TMEM131L: variants seen among roughly 807,000 people sequenced by gnomAD.
TMEM131L encodes transmembrane protein 131-like.
Under a neutral mutation model 192.2 loss-of-function variants are expected in TMEM131L, and 54 were observed. The ratio of observed to expected loss-of-function variants is 0.28; its 90% confidence interval spans 0.23 to 0.35. The LOEUF (loss-of-function observed/expected upper bound fraction) is 0.35. TMEM131L is among the 10% of genes least tolerant of loss of function. The pLI is 1.00. For synonymous variants in TMEM131L, 701 were observed against 704.9 expected (o/e 0.99, Z 0.09); for missense variants, 1,888 against 1,972.9 (o/e 0.96, Z 0.82).
intron 18 of TMEM131L, among the ~76,000 whole-genome samples, chr4:153,593,347 G>A (rs1021772279): frequency 2.6e-5 from 4 of 152,116 alleles, no homozygotes; most frequent in Admixed American, 1.3e-4. Context: ...TGTGTTGAAG[G>A]ATGTTTAGCA....
chr4:153,560,926 G>A lies in TMEM131L; in HGVS notation c.660+2558G>A, dbSNP rs149511163. On this transcript the variant is annotated intron_variant, in intron 7 of 34. Transcript: ENST00000409959. ...GGAGTGGAATTTTGCTGGGTCATAT[G>A]GTAATTCCATGTTTAACATTTTGAG... is the stretch of plus-strand genomic sequence containing the variant. Among the ~76,000 whole-genome samples the A allele has an allele frequency of 2.9e-3, 434 of 152,210 alleles. 2 individuals are homozygous for A. The highest frequency in any genetic ancestry group is 9.8e-3 in the African/African-American group (405 of 41,528).
chr4:153,544,696 C>T (rs1737040215), intron 3 of TMEM131L, among the ~76,000 whole-genome samples: 1 of 152,168 alleles, frequency 6.6e-6, no homozygotes, highest in Non-Finnish European at 1.5e-5. Flanking sequence ...TCATTGAGGC[C>T]CACTCAGATA....
chr4:153,556,656 G>C (rs1470365852), intron 5 of TMEM131L, among the ~76,000 whole-genome samples: 1 of 152,206 alleles, frequency 6.6e-6, no homozygotes, highest in Non-Finnish European at 1.5e-5. Context: ...TTTAAGTAGA[G>C]ATAGAACTGT....
In TMEM131L at chr4:153,466,388, G is replaced by C. The variant is rs1167569438; in HGVS notation, c.-10G>C. 1.5e-6 allele frequency: 2 copies of C among 1,309,236 alleles called. No individual in the cohort carries two copies. The highest frequency in any genetic ancestry group is 2.0e-6 in the Non-Finnish European group (2 of 1,025,562). 81.1% of individuals were successfully genotyped at this position (1,309,236 alleles called of 1,614,324 possible). ...CGCGGCGAGCAACGGAGAGGAGCGC[G>C]AGCAGCAGCATGGCGGGGCTCCGAC... On this transcript the variant is annotated 5_prime_UTR_variant, in exon 1 of 35. Transcript: ENST00000409959.
intron 7 of TMEM131L, among the ~76,000 whole-genome samples, chr4:153,570,249 T>TC (rs892208279): frequency 2.6e-5 from 4 of 152,088 alleles, no homozygotes; most frequent in African/African-American, 9.7e-5. Flanking sequence ...GGAAAACGTG[T>TC]CCCCCCACTT....
chr4:153,490,637 T>C (rs1206166997), intron 3 of TMEM131L, among the ~76,000 whole-genome samples: 1 of 152,104 alleles, frequency 6.6e-6, no homozygotes, highest in Non-Finnish European at 1.5e-5. Context: ...TGTTGCTCCT[T>C]GTTGGAAACA....
chr4:153,580,646 C>T (rs921671325), intron 7 of TMEM131L, among the ~76,000 whole-genome samples, 180 bp from the exon 8 acceptor site: 1 of 152,164 alleles, frequency 6.6e-6, no homozygotes, highest in East Asian at 1.9e-4. Flanking sequence ...ACAGATTTCT[C>T]TGTTTAGCTT....
intron 1 of TMEM131L, 73 bp downstream of exon 1, chr4:153,466,594 A>T: frequency 8.1e-7 from 1 of 1,228,198 alleles, no homozygotes; most frequent in Non-Finnish European, 1.0e-6. Flanking sequence ...GAACTGCTGA[A>T]ATCTATAAGA....
rs774251099 is a variant in TMEM131L, at chr4:153,583,691, A to G, written c.1060+19A>G. On this transcript the variant is annotated intron_variant, in intron 11 of 34. Transcript: ENST00000409959. ...TGCAAAGGTACAGATTTTTAAACAG[A>G]TTGTCATTTGACTTTTGTTATCTGG... The G allele has an allele frequency of 7.2e-7, 1 of 1,383,618 alleles. No individual in the cohort carries two copies. Among genetic ancestry groups the G allele is most frequent in the South Asian group, 1.2e-5 (1 of 82,374 alleles). 85.7% of individuals were successfully genotyped at this position (1,383,618 alleles called of 1,614,324 possible).
chr4:153,581,514 T>C lies in TMEM131L; in HGVS notation c.846T>C (p.Asp282=). 1 of 1,603,858 alleles carries C rather than the reference T, an allele frequency of 6.2e-7. No individual in the cohort carries two copies. The highest frequency in any genetic ancestry group is 1.1e-5 in the South Asian group (1 of 89,466). Residue 282 remains aspartate, a synonymous_variant, in exon 9 of 35, where the codon GAT becomes GAC. Coordinates refer to ENST00000409959, the MANE Select transcript of TMEM131L (RefSeq NM_001131007.2). ...EFEENTQHLL[D]HLSIVYVATD... ...AAGAAAACACACAACATTTGTTAGATCATCTCTCTATTGTTTACGTAGCTA... is the reference window on the plus strand; with the variant it reads ...AAGAAAACACACAACATTTGTTAGACCATCTCTCTATTGTTTACGTAGCTA...
At chr4:153,484,493 G>T (rs1732167648) in intron 3 of TMEM131L, among the ~76,000 whole-genome samples, 1 of 150,322 alleles carries the variant, frequency 6.7e-6, no homozygotes, top group South Asian at 2.1e-4. Context: ...TTTTGAGACA[G>T]AGTCTCGCTC....
intron 15 of TMEM131L, 45 bp downstream of exon 15, chr4:153,587,856 G>A (rs1043282287): frequency 3.0e-6 from 4 of 1,353,058 alleles, no homozygotes; most frequent in East Asian, 4.6e-5. Flanking sequence ...CTAGTTTGGG[G>A]GATGGGAAAT....
chr4:153,467,659 G>T (rs1280326775), intron 2 of TMEM131L, among the ~76,000 whole-genome samples: 1 of 152,242 alleles, frequency 6.6e-6, no homozygotes, highest in Admixed American at 6.5e-5. Context: ...TTTCATAAAT[G>T]TTAGAGTGGT....
At chr4:153,556,371 C>CT (rs1381551777) in intron 5 of TMEM131L, among the ~76,000 whole-genome samples, 1 of 152,180 alleles carries the variant, frequency 6.6e-6, no homozygotes, top group Non-Finnish European at 1.5e-5. Flanking sequence ...CCTTGTAAAG[C>CT]TGATTGGCAC....
chr4:153,577,458 T>C (rs1315927801), intron 7 of TMEM131L, among the ~76,000 whole-genome samples: 1 of 152,118 alleles, frequency 6.6e-6, no homozygotes, highest in East Asian at 1.9e-4. Flanking sequence ...GTTAGAGTAT[T>C]TATTTTGACT....
At chr4:153,592,360 T>C in intron 17 of TMEM131L, 115 bp from the exon 18 acceptor site, 2 of 685,778 alleles carry the variant, frequency 2.9e-6, no homozygotes, top group Non-Finnish European at 5.2e-6. Context: ...ATGATGTTTC[T>C]TGATTGGAGT....
chr4:153,567,585 C>T (rs1026384947), intron 7 of TMEM131L, among the ~76,000 whole-genome samples: 1 of 151,138 alleles, frequency 6.6e-6, no homozygotes, highest in Non-Finnish European at 1.5e-5. Context: ...GCTCTTGTCA[C>T]CCAGGCTGGA....
rs1277772985 is a variant in TMEM131L at position 153,469,538 on chromosome 4, A to T, written c.195+2257A>T. 2.0e-5 allele frequency among the ~76,000 whole-genome samples: 3 copies of T among 152,152 alleles called. No homozygotes were observed. The South Asian group carries it at 6.2e-4, about 31-fold the overall frequency. ...GGTTTTCTGCTTAATTAACCAGTAC[A>T]TTGGGTTTCTTTCATGCAGGAAGAC... On this transcript the variant is annotated intron_variant, in intron 2 of 34. Transcript: ENST00000409959.
At chr4:153,495,233 C>T (rs1211259935) in intron 3 of TMEM131L, among the ~76,000 whole-genome samples, 1 of 151,992 alleles carries the variant, frequency 6.6e-6, no homozygotes, top group Non-Finnish European at 1.5e-5. Context: ...AGGAGAATTG[C>T]TTGAACCTGG....
Sources: gnomAD v4.1 joint callset for allele counts (sites outside exome capture counted in the v4.1 genomes callset) on GRCh38, gnomAD v4.1.1 for gene constraint, MANE v1.5 for transcripts, NCBI Gene and HGNC (gene_info 2026-07-23, HGNC 2026-07-21) for gene names.